Variants in COQ5 observed in about 807,000 individuals in gnomAD.
COQ5 encodes coenzyme Q5, methyltransferase, also known as 2-methoxy-6-polyprenyl-1,4-benzoquinol methylase, mitochondrial.
In COQ5, 27 loss-of-function variants were observed where a neutral mutation model predicts 40.5. The ratio of observed to expected loss-of-function variants is 0.67; its 90% confidence interval spans 0.49 to 0.92. The LOEUF is 0.92. Among genes scored for constraint, COQ5 ranks in the 40% least tolerant of loss-of-function variants. The pLI is 0.00. For missense variants in COQ5, 409 were observed against 406.4 expected, an observed-to-expected ratio of 1.01 and a Z score of -0.06; for synonymous variants, 141 against 150.0, an observed-to-expected ratio of 0.94 and a Z score of 0.44.
chr12:120,503,569 G>T lies in COQ5; in HGVS notation c.*215C>A, dbSNP rs532542097. On this transcript the variant is annotated 3_prime_UTR_variant, in exon 7 of 7. Transcript: ENST00000288532. ...AGTTGAGCAAAGATACAGACCAAAT[G>T]CCTCTGGGAGATGGACTGAAGCAGC... 4.5e-6 allele frequency: 3 copies of T among 665,576 alleles called. No homozygotes were observed. In the South Asian group the frequency reaches 4.5e-5, roughly 10 times the overall value. 41.2% of individuals were successfully genotyped at this position (665,576 alleles called of 1,614,324 possible). A position where few individuals can be genotyped will look rare whatever the true frequency, so the allele number is the denominator to read the frequency against.
chr12:120,526,128 T>C (rs1414409276), intron 1 of COQ5, among the ~76,000 whole-genome samples: 8 of 152,312 alleles, frequency 5.3e-5, no homozygotes, highest in South Asian at 4.1e-4. Flanking sequence ...AAATAACAGA[T>C]ACACAACATG....
At chr12:120,509,983 G>A (rs2137080697) in intron 4 of COQ5, 34 bp downstream of exon 4, 1 of 1,505,004 alleles carries the variant, frequency 6.6e-7, no homozygotes, top group East Asian at 2.3e-5. Context: ...AATTTCCTGA[G>A]AGTCATACAA....
At chr12:120,521,082 T>G (rs1869626210) in intron 2 of COQ5, among the ~76,000 whole-genome samples, 1 of 151,008 alleles carries the variant, frequency 6.6e-6, no homozygotes, top group African/African-American at 2.4e-5. Context: ...TTTTTTTTTT[T>G]TGAGACGGAA....
At chr12:120,506,311 C>A (rs575670959) in intron 4 of COQ5, among the ~76,000 whole-genome samples, 4 of 152,076 alleles carry the variant, frequency 2.6e-5, no homozygotes, top group Non-Finnish European at 4.4e-5. Context: ...GTCAGCTGAC[C>A]TTCTAGAGAG....
At chr12:120,528,423 T>G (rs1167745652) in intron 1 of COQ5, among the ~76,000 whole-genome samples, 1 of 152,102 alleles carries the variant, frequency 6.6e-6, no homozygotes, top group East Asian at 1.9e-4. Context: ...ACTGGAATGT[T>G]GAAAATGAGA....
At chr12:120,518,054 G>A (rs56029862) in intron 2 of COQ5, among the ~76,000 whole-genome samples, 39,399 of 151,852 alleles carry the variant, frequency 0.26, 5,965 homozygotes, top group East Asian at 0.5. Context: ...TGATCCACTC[G>A]CCTCGGCCTC....
At chr12:120,521,579 G>A (rs1869657956) in intron 2 of COQ5, among the ~76,000 whole-genome samples, 1 of 151,824 alleles carries the variant, frequency 6.6e-6, no homozygotes, top group Admixed American at 6.6e-5. Context: ...AGGAGGCTGA[G>A]GCAGAGAATT....
chr12:120,521,064 G>GT (rs35534303), intron 2 of COQ5, among the ~76,000 whole-genome samples: 2,791 of 123,690 alleles, frequency 0.023, 82 homozygotes, highest in South Asian at 0.058. Flanking sequence ...GTAATCCTGC[G>GT]TTTTTTTTTT....
rs539430028 is a variant in COQ5 at position 120,512,629 on chromosome 12, T to C, written c.575-2506A>G. Among the ~76,000 whole-genome samples the C allele has an allele frequency of 6.6e-5, 10 of 151,632 alleles. 1 individual carries two copies. The highest frequency in any genetic ancestry group is 5.8e-4 in the East Asian group (3 of 5,164). On this transcript the variant is annotated intron_variant, in intron 3 of 6. Coordinates refer to ENST00000288532, the MANE Select transcript of COQ5 (RefSeq NM_032314.4). ...ATAAATACATAAATAAACAAACAAA[T>C]AAATAAATAAATTGTATATATAGGA...
At chr12:120,522,418 ATCCT>A in intron 1 of COQ5, 55 bp from the exon 2 acceptor site, 2 of 1,579,968 alleles carry the variant, frequency 1.3e-6, no homozygotes, top group Admixed American at 1.7e-5. Context: ...CCTTAGAAAA[ATCCT>A]AAACAAAAAA....
Position 120,503,624 on chromosome 12 carries a change from A to G in COQ5, c.*160T>C. 1.4e-6 allele frequency: 1 copy of G among 708,408 alleles called. No individual in the cohort carries two copies. Among genetic ancestry groups the G allele is most frequent in the Non-Finnish European group, 2.6e-6 (1 of 388,884 alleles). 43.9% of individuals were successfully genotyped at this position (708,408 alleles called of 1,614,324 possible). On this transcript the variant is annotated 3_prime_UTR_variant, in exon 7 of 7. Coordinates refer to ENST00000288532, the MANE Select transcript of COQ5 (RefSeq NM_032314.4). ...AAGAAAGCTGTAAAAAAGTGACAAG[A>G]ATTTGTTCTTCCACTTTGAGACTGT...
At chr12:120,526,154 C>T (rs942104005) in intron 1 of COQ5, among the ~76,000 whole-genome samples, 3 of 152,170 alleles carry the variant, frequency 2.0e-5, no homozygotes, top group East Asian at 1.9e-4. Context: ...CAACCAATCA[C>T]GCACTTCTTT....
chr12:120,522,730 G>A lies in COQ5; in HGVS notation c.203-367C>T, dbSNP rs1746129431. The A allele has an allele frequency of 4.6e-6, 3 of 657,068 alleles. No individual in the cohort carries two copies. The East Asian group carries it at 7.5e-5, about 16-fold the overall frequency. The allele number at this position is 657,068 out of a possible 1,614,324, so 40.7% of individuals were successfully genotyped here. ...AAGCTGGAGCTGCAGCCTGGGCCTT[G>A]GTTTGATCTTTGGCCTTGGCCTTTG... On this transcript the variant is annotated intron_variant, in intron 1 of 6. Coordinates refer to ENST00000288532, the MANE Select transcript of COQ5 (RefSeq NM_032314.4).
intron 1 of COQ5, among the ~76,000 whole-genome samples, chr12:120,528,262 C>G (rs922157866): frequency 4.0e-5 from 6 of 151,786 alleles, no homozygotes; most frequent in Non-Finnish European, 8.8e-5. Flanking sequence ...CTATTTTTCT[C>G]TAGAGGTAAA....
chr12:120,526,658 G>A (rs1474414967), intron 1 of COQ5: 3 of 236,090 alleles, frequency 1.3e-5, no homozygotes, highest in Non-Finnish European at 2.5e-5. Flanking sequence ...TATTTCATAC[G>A]ACAAGAAGGT....
intron 2 of COQ5, among the ~76,000 whole-genome samples, chr12:120,517,254 C>A (rs1363702554): frequency 2.0e-5 from 3 of 151,378 alleles, no homozygotes; most frequent in African/African-American, 4.9e-5. Flanking sequence ...TGGGAGCCTG[C>A]GGCAGGAGAA....
In COQ5 at chr12:120,522,361, AGACT is replaced by A. The variant is rs774971970; in HGVS notation, c.203-2_204del. 22 of 1,613,252 alleles carry A rather than the reference AGACT, an allele frequency of 1.4e-5. No homozygotes were observed. The highest frequency in any genetic ancestry group is 3.3e-5 in the Admixed American group (2 of 59,984). Reference sequence around the variant, plus strand: ...TTAGCCACACTTTCAAACACCTGATAGACTGACATGGGAGAAACACACACAATAG... The same window carrying A: ...TTAGCCACACTTTCAAACACCTGATAGACATGGGAGAAACACACACAATAG... On this transcript the variant is annotated splice_acceptor_variant and coding_sequence_variant, in exon 2 of 7. Transcript: ENST00000288532. LOFTEE classifies it high-confidence loss of function.
At chr12:120,525,937 T>TATAA (rs1555223490) in intron 1 of COQ5, among the ~76,000 whole-genome samples, 2 of 151,862 alleles carry the variant, frequency 1.3e-5, no homozygotes, top group Non-Finnish European at 2.9e-5. Flanking sequence ...AAAAAATAAA[T>TATAA]ATAAATAAAT....
At chr12:120,526,753 C>G (rs559044276) in intron 1 of COQ5, 1 of 184,604 alleles carries the variant, frequency 5.4e-6, no homozygotes, top group Non-Finnish European at 9.4e-6. Flanking sequence ...CTTGCTCTGT[C>G]GCCCAGGCTG....
Sources: allele counts gnomAD v4.1 joint callset (sites outside exome capture counted in the v4.1 genomes callset), GRCh38; gene constraint gnomAD v4.1.1; transcripts MANE v1.5; gene names NCBI Gene and HGNC (gene_info 2026-07-23, HGNC 2026-07-21).